The following SMYD3 variants were observed in gnomAD, a reference collection of about 807,000 sequenced individuals.
SMYD3 encodes histone-lysine N-methyltransferase SMYD3.
SMYD3 carries 36 observed loss-of-function variants against 57.7 expected under a neutral mutation model. The observed-to-expected ratio is 0.62, with a 90% CI of 0.48 to 0.82. The LOEUF is 0.82. Among genes scored for constraint, SMYD3 ranks in the 40% least tolerant of loss-of-function variants. SMYD3 has a pLI of 0.00. For missense variants in SMYD3, 515 were observed against 538.8 expected (o/e 0.96, Z 0.44); for synonymous variants, 211 against 195.0 (o/e 1.08, Z -0.68).
chr1:245,752,016 A>G (rs2045405073), intron 11 of SMYD3, among the ~76,000 whole-genome samples: 1 of 152,164 alleles, frequency 6.6e-6, no homozygotes, highest in Admixed American at 6.5e-5. Context: ...TTTTCTCCAC[A>G]CTGCCCTGGA....
Position 245,789,326 on chromosome 1 carries a change from A to C in SMYD3, c.1077-25177T>G, listed in dbSNP as rs140742353. Reference sequence around the variant, plus strand: ...TGCACAGAGGAACAGGGCCCTTTCTAACCAAGCTAGCAGGGACAGGAATGG... The same window carrying C: ...TGCACAGAGGAACAGGGCCCTTTCTCACCAAGCTAGCAGGGACAGGAATGG... On this transcript the variant is annotated intron_variant, in intron 10 of 11. Transcript: ENST00000490107. Among the ~76,000 whole-genome samples the C allele has an allele frequency of 2.1e-3, 326 of 152,314 alleles. 1 individual carries two copies. The highest frequency in any genetic ancestry group is 7.4e-3 in the African/African-American group (308 of 41,574).
At chr1:246,478,546 C>T (rs1408279440) in intron 1 of SMYD3, among the ~76,000 whole-genome samples, 1 of 106,556 alleles carries the variant, frequency 9.4e-6, no homozygotes. Flanking sequence ...TATATGCACA[C>T]CTGTCCTCTG....
chr1:246,071,034 T>C (rs1403543891), intron 5 of SMYD3, among the ~76,000 whole-genome samples: 1 of 152,206 alleles, frequency 6.6e-6, no homozygotes, highest in Admixed American at 6.5e-5. Flanking sequence ...GAAATACTTG[T>C]TGAAGGGTTT....
chr1:246,134,161 C>T (rs934978933), intron 5 of SMYD3, among the ~76,000 whole-genome samples: 2 of 152,196 alleles, frequency 1.3e-5, no homozygotes, highest in Admixed American at 1.3e-4. Context: ...TGCTGTATTA[C>T]ATTAAGAAAA....
chr1:246,385,888 G>C (rs2066469386), intron 1 of SMYD3, among the ~76,000 whole-genome samples: 1 of 152,056 alleles, frequency 6.6e-6, no homozygotes, highest in South Asian at 2.1e-4. Flanking sequence ...TAGGAAGGCA[G>C]TAGAACACAT....
chr1:246,368,118 C>A (rs187244582), intron 1 of SMYD3, among the ~76,000 whole-genome samples: 133 of 152,270 alleles, frequency 8.7e-4, no homozygotes, highest in Non-Finnish European at 1.6e-3. Flanking sequence ...AAAATAAAAA[C>A]TGGGCAAAAT....
intron 1 of SMYD3, among the ~76,000 whole-genome samples, chr1:246,376,452 G>A (rs55671627): frequency 0.54 from 81,838 of 151,048 alleles, 22,708 homozygotes; most frequent in Middle Eastern, 0.71. Context: ...TTAGCCAGGC[G>A]TGGTGGCAGG....
chr1:246,130,188 T>A (rs954315815), intron 5 of SMYD3, among the ~76,000 whole-genome samples: 16 of 152,332 alleles, frequency 1.1e-4, no homozygotes, highest in African/African-American at 3.6e-4. Flanking sequence ...GAGGGAACTC[T>A]TCACCTTGAG....
At chr1:245,892,655 T>C (rs1302788285) in intron 8 of SMYD3, among the ~76,000 whole-genome samples, 2 of 152,216 alleles carry the variant, frequency 1.3e-5, no homozygotes, top group Non-Finnish European at 2.9e-5. Flanking sequence ...AAATAAGATA[T>C]TGACTCAGCA....
chr1:246,291,139 T>A (rs1035578912), intron 5 of SMYD3, among the ~76,000 whole-genome samples: 2 of 152,230 alleles, frequency 1.3e-5, no homozygotes, highest in Admixed American at 1.3e-4. Flanking sequence ...GATGACTAGA[T>A]GGTCAAGACA....
chr1:245,835,578 C>G (rs2148400057), intron 10 of SMYD3, among the ~76,000 whole-genome samples: 1 of 152,272 alleles, frequency 6.6e-6, no homozygotes, highest in East Asian at 1.9e-4. Context: ...ACATGGAATT[C>G]CCTTTCACTC....
intron 5 of SMYD3, among the ~76,000 whole-genome samples, chr1:246,190,500 G>A (rs572866295): frequency 7.2e-4 from 106 of 146,464 alleles, no homozygotes; most frequent in African/African-American, 2.5e-3. Flanking sequence ...CAGGAGAATC[G>A]CTTGAACCCG....
intron 11 of SMYD3, 147 bp downstream of exon 11, chr1:245,763,894 G>T: frequency 3.4e-6 from 2 of 582,834 alleles, no homozygotes; most frequent in South Asian, 2.6e-5. Flanking sequence ...TTTCCAGAGT[G>T]GTTGTTAAAC....
intron 1 of SMYD3, among the ~76,000 whole-genome samples, chr1:246,439,715 G>T (rs890656498): frequency 1.3e-5 from 2 of 152,080 alleles, no homozygotes; most frequent in Non-Finnish European, 2.9e-5. Context: ...TGGTAGGCGG[G>T]GGTGGGCGGA....
At chr1:246,219,267 T>G (rs1476591342) in intron 5 of SMYD3, among the ~76,000 whole-genome samples, 1 of 151,762 alleles carries the variant, frequency 6.6e-6, no homozygotes, top group Non-Finnish European at 1.5e-5. Context: ...AAACCCCAGA[T>G]CCAGCCAGCA....
chr1:245,998,276 G>A (rs962665714), intron 5 of SMYD3, among the ~76,000 whole-genome samples: 78 of 152,318 alleles, frequency 5.1e-4, no homozygotes, highest in African/African-American at 1.8e-3. Context: ...TGGGTAAAGA[G>A]TACAATGAAA....
chr1:245,787,079 C>G (rs951760529), intron 10 of SMYD3, among the ~76,000 whole-genome samples: 1 of 152,240 alleles, frequency 6.6e-6, no homozygotes, highest in Admixed American at 6.5e-5. Context: ...AGAGCGGTAT[C>G]TTTACAACGC....
At chr1:245,839,142 C>T (rs1487034032) in intron 10 of SMYD3, among the ~76,000 whole-genome samples, 1 of 152,180 alleles carries the variant, frequency 6.6e-6, no homozygotes, top group Non-Finnish European at 1.5e-5. Context: ...TTGAAACCCT[C>T]ACAGCACCAG....
intron 10 of SMYD3, among the ~76,000 whole-genome samples, chr1:245,830,966 G>A (rs193236153): frequency 2.0e-5 from 3 of 152,022 alleles, no homozygotes; most frequent in East Asian, 1.9e-4. Flanking sequence ...CCCCCTCCTC[G>A]CTACAGATCA....
Sources: gnomAD v4.1 joint callset for allele counts (sites outside exome capture counted in the v4.1 genomes callset) on GRCh38, gnomAD v4.1.1 for gene constraint, MANE v1.5 for transcripts, NCBI Gene and HGNC (gene_info 2026-07-23, HGNC 2026-07-21) for gene names.